The following RIOX2 variants were observed in gnomAD, a reference collection of about 807,000 sequenced individuals.
The protein encoded by RIOX2 is ribosomal oxygenase 2.
A neutral mutation model predicts 51.2 loss-of-function variants in RIOX2; 43 were observed. The ratio of observed to expected loss-of-function variants is 0.84; its 90% confidence interval spans 0.66 to 1.08. The LOEUF is 1.08. RIOX2 is among the 50% of genes least tolerant of loss of function. The pLI is 0.00. For missense variants in RIOX2, 566 were observed against 561.7 expected, an observed-to-expected ratio of 1.01 and a Z score of -0.08; for synonymous variants, 226 against 218.5, an observed-to-expected ratio of 1.03 and a Z score of -0.30.
chr3:97,955,307 G>C (rs1705408212), intron 4 of RIOX2, among the ~76,000 whole-genome samples: 3 of 151,986 alleles, frequency 2.0e-5, no homozygotes, highest in Admixed American at 6.6e-5. Context: ...TTCCAAGTGG[G>C]TGGACCAAAA....
rs753366666 is a variant in RIOX2, at chr3:97,951,105, C to T, written c.786-217G>A. On this transcript the variant is annotated intron_variant, in intron 5 of 9. Transcript: ENST00000394198. ...CCTCCCTCCCCGTTCCAGACACTCA[C>T]TTGCAAAGTTAAAAGTGGGAAGCTA... is the stretch of plus-strand genomic sequence containing the variant. The T allele has an allele frequency of 1.7e-5, 8 of 476,082 alleles. No homozygotes were observed. In the Admixed American group the frequency reaches 1.8e-4, roughly 11 times the overall value. 29.5% of individuals were successfully genotyped at this position (476,082 alleles called of 1,614,324 possible).
intron 3 of RIOX2, among the ~76,000 whole-genome samples, chr3:97,960,427 T>C (rs1416056223): frequency 6.6e-6 from 1 of 152,200 alleles, no homozygotes; most frequent in Non-Finnish European, 1.5e-5. Flanking sequence ...ACATATAACA[T>C]ACAAAATAAG....
chr3:97,951,194 GA>G, intron 5 of RIOX2: 1 of 245,712 alleles, frequency 4.1e-6, no homozygotes, highest in Non-Finnish European at 7.9e-6. Flanking sequence ...CATAAAACAG[GA>G]AGTTCAATGG....
At chr3:97,959,461 T>C (rs1163579440) in intron 3 of RIOX2, among the ~76,000 whole-genome samples, 2 of 152,022 alleles carry the variant, frequency 1.3e-5, no homozygotes, top group African/African-American at 2.4e-5. Flanking sequence ...GTTGGGAAGC[T>C]GGCATGCACC....
intron 2 of RIOX2, 102 bp from the exon 3 acceptor site, chr3:97,961,810 T>C: frequency 3.2e-6 from 4 of 1,262,350 alleles, no homozygotes; most frequent in Non-Finnish European, 2.1e-6. Flanking sequence ...AAGTCTTTAC[T>C]GCACAACTAT....
chr3:97,949,406 C>A (rs1705149394), intron 7 of RIOX2, among the ~76,000 whole-genome samples: 1 of 152,144 alleles, frequency 6.6e-6, no homozygotes, highest in Non-Finnish European at 1.5e-5. Flanking sequence ...GTACAGCCTG[C>A]AGACCATGAG....
Position 97,943,239 on chromosome 3 carries a change from T to TGACAA in RIOX2, c.*1940_*1944dup. ...TTTCTATTTTAGGAGGAAATTATTG[T>TGACAA]GACAAGACTCATGTAATTGTAAATC... is the stretch of plus-strand genomic sequence containing the variant. On this transcript the variant is annotated 3_prime_UTR_variant, in exon 10 of 10. Transcript: ENST00000394198. 1 of 1,573,974 alleles carries TGACAA rather than the reference T, an allele frequency of 6.4e-7. No individual in the cohort carries two copies. Among genetic ancestry groups the TGACAA allele is most frequent in the Non-Finnish European group, 8.7e-7 (1 of 1,148,606 alleles).
At chr3:97,963,271 A>C (rs1705752194) in intron 2 of RIOX2, among the ~76,000 whole-genome samples, 1 of 152,148 alleles carries the variant, frequency 6.6e-6, no homozygotes, top group Non-Finnish European at 1.5e-5. Context: ...CTGCAGGTGC[A>C]TGCTACCATG....
At chr3:97,964,097 C>A (rs992076122) in intron 2 of RIOX2, among the ~76,000 whole-genome samples, 1 of 152,052 alleles carries the variant, frequency 6.6e-6, no homozygotes, top group Non-Finnish European at 1.5e-5. Flanking sequence ...TCCAGCGAGC[C>A]CAAGGAGGAC....
At chr3:97,955,070 G>T (rs928971037) in intron 4 of RIOX2, among the ~76,000 whole-genome samples, 1 of 152,028 alleles carries the variant, frequency 6.6e-6, no homozygotes, top group African/African-American at 2.4e-5. Flanking sequence ...GATTTTATCC[G>T]CCAGTCCCCC....
chr3:97,943,179 G>T lies in RIOX2; in HGVS notation c.*2005C>A. Reference sequence around the variant, plus strand: ...CTTGTGAAAATTGTGAAATTGCTAAGCACCTGCCTGAACAAATAATCTTTT... The same window carrying T: ...CTTGTGAAAATTGTGAAATTGCTAATCACCTGCCTGAACAAATAATCTTTT... On this transcript the variant is annotated 3_prime_UTR_variant, in exon 10 of 10. Transcript: ENST00000394198. 1.9e-6 allele frequency: 2 copies of T among 1,068,682 alleles called. No homozygotes were observed. The highest frequency in any genetic ancestry group is 1.9e-5 in the Admixed American group (1 of 51,490). 66.2% of individuals were successfully genotyped at this position (1,068,682 alleles called of 1,614,324 possible).
At position 97,942,715 on chromosome 3, in the gene RIOX2, A is replaced by G; in HGVS notation, c.*2469T>C. 1 of 295,972 alleles carries G rather than the reference A, an allele frequency of 3.4e-6. No homozygotes were observed. Among genetic ancestry groups the G allele is most frequent in the Non-Finnish European group, 6.1e-6 (1 of 162,998 alleles). The allele number at this position is 295,972 out of a possible 1,614,324, so 18.3% of individuals were successfully genotyped here. A position where few individuals can be genotyped will look rare whatever the true frequency, so the allele number is the denominator to read the frequency against. ...AACAGTTCTAAATTTCAAGCACCAT[A>G]AACCATGAAATGAATGTCATCTGTT... On this transcript the variant is annotated 3_prime_UTR_variant, in exon 10 of 10. Transcript: ENST00000394198.
Position 97,954,441 on chromosome 3 carries a change from C to T in RIOX2, c.736G>A (p.Ala246Thr). The T allele has an allele frequency of 6.2e-7, 1 of 1,614,092 alleles. No individual in the cohort carries two copies. The highest frequency in any genetic ancestry group is 8.5e-7 in the Non-Finnish European group (1 of 1,179,982). ...ACGTGAGTAGAGTGGGCCAGCCCCG[C>T]AGGAGTGTCCGCTTGATGAATGGTT... ...RGTIHQADTP[A>T]GLAHSTHVTI... The change falls in exon 5 of 10, where the codon GCG becomes ACG. Residue 246 changes from alanine (A) to threonine (T), a missense_variant. By Grantham distance (58) the Ala-to-Thr change is moderately conservative. Transcript: ENST00000394198.
intron 4 of RIOX2, among the ~76,000 whole-genome samples, chr3:97,956,871 C>T (rs1188146994): frequency 6.6e-6 from 1 of 152,160 alleles, no homozygotes; most frequent in Non-Finnish European, 1.5e-5. Flanking sequence ...ATCATGATCT[C>T]TGTTTTAATA....
chr3:97,972,418 C>A lies in RIOX2; in HGVS notation c.-77G>T, dbSNP rs1490070869. On this transcript the variant is annotated 5_prime_UTR_variant, in exon 1 of 10. Transcript: ENST00000394198. ...GTTGCTCGCGGCCGCGAGCCCACTG[C>A]GTTGCGGCGCAGCGGCTGGAGGCGG... 6.6e-6 allele frequency: 1 copy of A among 151,216 alleles called. No homozygotes were observed. The highest frequency in any genetic ancestry group is 2.1e-4 in the South Asian group (1 of 4,816). The allele number at this position is 151,216 out of a possible 1,614,324, so 9.4% of individuals were successfully genotyped here.
rs1166386133 is a variant in RIOX2, at chr3:97,942,679, C to T, written c.*2505G>A. On this transcript the variant is annotated 3_prime_UTR_variant, in exon 10 of 10. Transcript: ENST00000394198. ...ACAGTTGTAAAACTTTCATTTGCTA[C>T]GTGAACTCAGAACAGTTCTAAATTT... The T allele has an allele frequency of 6.6e-5, 25 of 379,952 alleles. No individual in the cohort carries two copies. Among genetic ancestry groups the T allele is most frequent in the Middle Eastern group, 6.9e-4 (1 of 1,448 alleles). 23.5% of individuals were successfully genotyped at this position (379,952 alleles called of 1,614,324 possible).
At chr3:97,958,976 G>A in intron 4 of RIOX2, 75 bp downstream of exon 4, 1 of 1,476,298 alleles carries the variant, frequency 6.8e-7, no homozygotes, top group South Asian at 1.4e-5. Context: ...TAAACCTTGA[G>A]CCTGAACTTG....
intron 2 of RIOX2, among the ~76,000 whole-genome samples, chr3:97,963,950 G>C (rs1309691772): frequency 6.6e-6 from 1 of 152,104 alleles, no homozygotes; most frequent in Non-Finnish European, 1.5e-5. Context: ...ACACTGTGGC[G>C]AACAGCATAA....
intron 7 of RIOX2, among the ~76,000 whole-genome samples, chr3:97,948,408 T>C (rs908941944): frequency 6.6e-6 from 1 of 152,156 alleles, no homozygotes; most frequent in Non-Finnish European, 1.5e-5. Flanking sequence ...GCTAGGTCTT[T>C]GTGTTCTCCT....
Sources: gnomAD v4.1 joint callset for allele counts (sites outside exome capture counted in the v4.1 genomes callset) on GRCh38, gnomAD v4.1.1 for gene constraint, MANE v1.5 for transcripts, NCBI Gene and HGNC (gene_info 2026-07-23, HGNC 2026-07-21) for gene names.